The following CDCA7L variants were observed in gnomAD, a reference collection of about 807,000 sequenced individuals.
The protein encoded by CDCA7L is cell division cycle-associated 7-like protein.
A neutral mutation model predicts 57.4 loss-of-function variants in CDCA7L; 44 were observed. The observed-to-expected ratio is 0.77, with a 90% CI of 0.60 to 0.98. The LOEUF is 0.98. Among genes scored for constraint, CDCA7L ranks in the 50% least tolerant of loss-of-function variants. The pLI is 0.00. For missense variants in CDCA7L, 644 were observed against 580.6 expected, an observed-to-expected ratio of 1.11 and a Z score of -1.12; for synonymous variants, 236 against 202.8, an observed-to-expected ratio of 1.16 and a Z score of -1.39.
At position 21,903,193 on chromosome 7, in the gene CDCA7L, C is replaced by T. The variant is rs1461877687; in HGVS notation, c.1198-79G>A. 2.9e-6 allele frequency: 4 copies of T among 1,371,906 alleles called. No individual in the cohort carries two copies. In the East Asian group the frequency reaches 9.8e-5, roughly 34 times the overall value. The allele number at this position is 1,371,906 out of a possible 1,614,324, so 85.0% of individuals were successfully genotyped here. On this transcript the variant is annotated intron_variant, in intron 8 of 9. Transcript: ENST00000406877. Reference sequence around the variant, plus strand: ...GAACTGGGATTCGGATCCAGAATGGCTCAGCTGGCCTCTCCTCCAACCTTT... The same window carrying T: ...GAACTGGGATTCGGATCCAGAATGGTTCAGCTGGCCTCTCCTCCAACCTTT...
At chr7:21,926,290 A>C (rs1785824695) in intron 1 of CDCA7L, among the ~76,000 whole-genome samples, 1 of 152,240 alleles carries the variant, frequency 6.6e-6, no homozygotes, top group Admixed American at 6.5e-5. Flanking sequence ...CGAGGAAAAT[A>C]ATAAACTGGA....
At chr7:21,923,581 C>CTTTGG (rs1346000091) in intron 1 of CDCA7L, among the ~76,000 whole-genome samples, 1 of 152,174 alleles carries the variant, frequency 6.6e-6, no homozygotes, top group African/African-American at 2.4e-5. Flanking sequence ...ACTGACAGAA[C>CTTTGG]AAGTCCAGAC....
At chr7:21,902,815 G>C in intron 9 of CDCA7L, 163 bp downstream of exon 9, 5 of 643,806 alleles carry the variant, frequency 7.8e-6, no homozygotes, top group Middle Eastern at 4.4e-4. Context: ...GAAAATATCA[G>C]GCCTGAGCTT....
intron 1 of CDCA7L, among the ~76,000 whole-genome samples, chr7:21,942,859 T>C (rs780840516): frequency 5.1e-4 from 77 of 152,190 alleles, no homozygotes; most frequent in Admixed American, 1.2e-3. Context: ...GGCTCTGGAA[T>C]TACATGTTAA....
chr7:21,921,593 C>CTT (rs201649581), intron 1 of CDCA7L, among the ~76,000 whole-genome samples: 11,595 of 138,842 alleles, frequency 0.084, 492 homozygotes, highest in South Asian at 0.13. Context: ...AATGCAAGAC[C>CTT]TTTTTTTTTT....
intron 1 of CDCA7L, among the ~76,000 whole-genome samples, chr7:21,932,956 GAAA>G (rs59893919): frequency 2.5e-4 from 35 of 142,226 alleles, no homozygotes; most frequent in Admixed American, 1.9e-3. Flanking sequence ...AAATTTATAA[GAAA>G]AAAAAAAAGA....
At chr7:21,929,631 C>CAAAAAAGAAAAAA (rs1785942160) in intron 1 of CDCA7L, among the ~76,000 whole-genome samples, 1 of 35,512 alleles carries the variant, frequency 2.8e-5, no homozygotes, top group Non-Finnish European at 4.5e-5. Context: ...AAATGGAAAG[C>CAAAAAAGAAAAAA]AAAAAAAAAA....
chr7:21,933,619 T>TG (rs1247527807), intron 1 of CDCA7L, among the ~76,000 whole-genome samples: 1 of 151,994 alleles, frequency 6.6e-6, no homozygotes, highest in African/African-American at 2.4e-5. Context: ...CACATGGACA[T>TG]GGGAAGAGGA....
At chr7:21,907,105 CAAAGT>C (rs1785166400) in intron 4 of CDCA7L, among the ~76,000 whole-genome samples, 1 of 152,148 alleles carries the variant, frequency 6.6e-6, no homozygotes, top group Non-Finnish European at 1.5e-5. Context: ...TCTCATCAAT[CAAAGT>C]AATCTATGAA....
chr7:21,930,507 C>T (rs1785972842), intron 1 of CDCA7L, among the ~76,000 whole-genome samples: 1 of 151,688 alleles, frequency 6.6e-6, no homozygotes, highest in South Asian at 2.1e-4. Context: ...CCAGCCTGGC[C>T]AAGATAGTGA....
intron 1 of CDCA7L, among the ~76,000 whole-genome samples, chr7:21,929,109 A>G (rs192912274): frequency 2.6e-4 from 40 of 152,278 alleles, no homozygotes; most frequent in Middle Eastern, 3.4e-3. Context: ...GCGGATCTCT[A>G]GGCAGAAACC....
intron 8 of CDCA7L, 22 bp downstream of exon 8, chr7:21,904,088 C>T: frequency 6.4e-7 from 1 of 1,553,614 alleles, no homozygotes; most frequent in Non-Finnish European, 8.7e-7. Flanking sequence ...CAATTTACAA[C>T]AAATGCAAAC....
chr7:21,945,760 G>A (rs370219005), intron 1 of CDCA7L, 21 bp downstream of exon 1: 4 of 1,599,058 alleles, frequency 2.5e-6, no homozygotes, highest in African/African-American at 1.4e-5. Flanking sequence ...TCCGGACGGC[G>A]GCGGGCGGCC....
chr7:21,945,824 G>C lies in CDCA7L; in HGVS notation c.-20C>G. ...CTCCATTCTTCCTAACCGGGCTCCA[G>C]TCTCCTCCCAGCACGCGGCCACGGG... On this transcript the variant is annotated 5_prime_UTR_variant, in exon 1 of 10. Coordinates refer to ENST00000406877, the MANE Select transcript of CDCA7L (RefSeq NM_018719.5). The C allele has an allele frequency of 2.5e-6, 4 of 1,597,334 alleles. No homozygotes were observed. Among genetic ancestry groups the C allele is most frequent in the East Asian group, 2.3e-5 (1 of 42,848 alleles).
At chr7:21,937,752 C>T (rs1786217621) in intron 1 of CDCA7L, among the ~76,000 whole-genome samples, 1 of 151,840 alleles carries the variant, frequency 6.6e-6, no homozygotes, top group South Asian at 2.1e-4. Flanking sequence ...TAAAGGCAGA[C>T]ATATATATCA....
intron 2 of CDCA7L, among the ~76,000 whole-genome samples, chr7:21,914,450 G>A (rs532084713): frequency 1.5e-4 from 23 of 152,310 alleles, no homozygotes; most frequent in East Asian, 3.9e-4. Context: ...TATGGCACAC[G>A]GAGGGAAAGA....
intron 4 of CDCA7L, among the ~76,000 whole-genome samples, chr7:21,907,047 G>A (rs1177886632): frequency 6.6e-6 from 1 of 152,114 alleles, no homozygotes; most frequent in Non-Finnish European, 1.5e-5. Context: ...AGATTATTTC[G>A]ATGGTTATTT....
In CDCA7L at chr7:21,921,593, CT is replaced by C. The variant is rs201649581; in HGVS notation, c.25-4700del. On this transcript the variant is annotated intron_variant, in intron 1 of 9. Coordinates refer to ENST00000406877, the MANE Select transcript of CDCA7L (RefSeq NM_018719.5). ...CATAGTCTAGACAAAAATGCAAGAC[CT>C]TTTTTTTTTTTTTTCAAAGTTTGTG... Among the ~76,000 whole-genome samples the C allele has an allele frequency of 8.8e-3, 1,221 of 138,830 alleles. 6 individuals carry two copies. Among genetic ancestry groups the C allele is most frequent in the Middle Eastern group, 0.023 (6 of 266 alleles). 91.1% of individuals were successfully genotyped at this position (138,830 alleles called of 152,430 possible).
intron 8 of CDCA7L, among the ~76,000 whole-genome samples, chr7:21,903,436 A>G (rs72658847): frequency 0.02 from 3,100 of 152,308 alleles, 116 homozygotes; most frequent in African/African-American, 0.071. Context: ...TAGGAGCACA[A>G]GGTTTCCAAA....
Sources: gnomAD v4.1 joint callset for allele counts (sites outside exome capture counted in the v4.1 genomes callset) on GRCh38, gnomAD v4.1.1 for gene constraint, MANE v1.5 for transcripts, NCBI Gene and HGNC (gene_info 2026-07-23, HGNC 2026-07-21) for gene names.